FAM168A: variants seen among roughly 807,000 people sequenced by gnomAD.
FAM168A encodes family with sequence similarity 168 member A.
In FAM168A, 3 loss-of-function variants were observed where a neutral mutation model predicts 28.5. That is an observed-to-expected ratio of 0.11 (90% confidence interval 0.05 to 0.27). The LOEUF is 0.27. Ranked by LOEUF, FAM168A falls within the 10% of genes least tolerant of loss-of-function variation. The probability of loss-of-function intolerance (pLI) is 1.00; values close to 1 mark genes in which losing one functional copy is unlikely to be tolerated. For missense variants in FAM168A, 222 were observed against 311.5 expected (o/e 0.71, Z 2.16); for synonymous variants, 122 against 124.2 (o/e 0.98, Z 0.12).
chr11:73,442,689 T>C (rs76409784), intron 2 of FAM168A, among the ~76,000 whole-genome samples: 2,729 of 151,996 alleles, frequency 0.018, 66 homozygotes, highest in African/African-American at 0.055. Context: ...TGAGAGTTGT[T>C]TTATGGCCTA....
At chr11:73,561,907 A>G (rs1161207337) in intron 1 of FAM168A, among the ~76,000 whole-genome samples, 3 of 152,096 alleles carry the variant, frequency 2.0e-5, no homozygotes, top group African/African-American at 7.2e-5. Context: ...CAATTCTGCA[A>G]TCTTAGGACT....
rs1272918903 is a variant in FAM168A, at chr11:73,512,195, A to G, written c.-18-43703T>C. Among the ~76,000 whole-genome samples the G allele has an allele frequency of 4.6e-5, 7 of 152,136 alleles. No homozygotes were observed. The East Asian group carries it at 1.3e-3, about 29-fold the overall frequency. ...ATAATAAATGCATAACAACAAACACATATAATTTACTTTGTGCTAGGCACT... is the reference window on the plus strand; with the variant it reads ...ATAATAAATGCATAACAACAAACACGTATAATTTACTTTGTGCTAGGCACT... On this transcript the variant is annotated intron_variant, in intron 1 of 7. Transcript: ENST00000356467.
At chr11:73,480,729 CA>C (rs1229405741) in intron 1 of FAM168A, among the ~76,000 whole-genome samples, 3 of 152,060 alleles carry the variant, frequency 2.0e-5, no homozygotes, top group Non-Finnish European at 2.9e-5. Flanking sequence ...CAAACAACAA[CA>C]ACAACAAAAA....
At chr11:73,576,060 T>C (rs975065621) in intron 1 of FAM168A, among the ~76,000 whole-genome samples, 2 of 152,202 alleles carry the variant, frequency 1.3e-5, no homozygotes, top group African/African-American at 4.8e-5. Flanking sequence ...TTCAGATGAA[T>C]TAAATTTCAA....
chr11:73,546,246 T>C lies in FAM168A; in HGVS notation c.-19+51677A>G, dbSNP rs1277747770. Among the ~76,000 whole-genome samples, 4 of 152,290 alleles carry C rather than the reference T, an allele frequency of 2.6e-5. No homozygotes were observed. In the East Asian group the frequency reaches 7.7e-4, roughly 29 times the overall value. On this transcript the variant is annotated intron_variant, in intron 1 of 7. Coordinates refer to ENST00000356467, the MANE Select transcript of FAM168A (RefSeq NM_015159.3). Reference sequence around the variant, plus strand: ...TGGTCAGCAGTAATACTCTGCTACATGAAAAGAAGGGGCTAAGTCTGATTC... The same window carrying C: ...TGGTCAGCAGTAATACTCTGCTACACGAAAAGAAGGGGCTAAGTCTGATTC...
chr11:73,431,753 G>GA (rs1308242100), intron 2 of FAM168A, among the ~76,000 whole-genome samples: 2 of 151,418 alleles, frequency 1.3e-5, no homozygotes, highest in African/African-American at 4.9e-5. Context: ...GGGATTTTTT[G>GA]AAATTTTTTT....
chr11:73,578,216 C>T (rs1372185131), intron 1 of FAM168A, among the ~76,000 whole-genome samples: 1 of 152,086 alleles, frequency 6.6e-6, no homozygotes, highest in Non-Finnish European at 1.5e-5. Flanking sequence ...TGACTGAATC[C>T]TGATTGATCT....
intron 2 of FAM168A, among the ~76,000 whole-genome samples, chr11:73,450,075 A>G (rs948819384): frequency 6.6e-6 from 1 of 152,240 alleles, no homozygotes; most frequent in East Asian, 1.9e-4. Context: ...AAAATGTGCA[A>G]GGGAAAAGAA....
chr11:73,479,342 AC>A (rs746626459), intron 1 of FAM168A, among the ~76,000 whole-genome samples: 24 of 152,174 alleles, frequency 1.6e-4, no homozygotes, highest in Non-Finnish European at 3.4e-4. Context: ...ATGTAGCTGA[AC>A]CTAATCCTAT....
In FAM168A at chr11:73,580,104, A is replaced by T. The variant is rs150897384; in HGVS notation, c.-19+17819T>A. The T allele has an allele frequency of 8.8e-3, 2,974 of 338,608 alleles. 43 individuals carry two copies. Among genetic ancestry groups the T allele is most frequent in the Middle Eastern group, 0.038 (36 of 952 alleles). The allele number at this position is 338,608 out of a possible 1,614,324, so 21.0% of individuals were successfully genotyped here. Reference sequence around the variant, plus strand: ...GTTTGGGTAAGAAAACTGATGCTACAATCTGTCAAAATATAATTGTCAATG... The same window carrying T: ...GTTTGGGTAAGAAAACTGATGCTACTATCTGTCAAAATATAATTGTCAATG... On this transcript the variant is annotated intron_variant, in intron 1 of 7. Transcript: ENST00000356467.
At chr11:73,556,207 A>AGT (rs1346141040) in intron 1 of FAM168A, among the ~76,000 whole-genome samples, 2 of 152,024 alleles carry the variant, frequency 1.3e-5, no homozygotes, top group East Asian at 3.9e-4. Flanking sequence ...TAATTAGCCA[A>AGT]GTGTGGTGAT....
chr11:73,434,616 A>AAGTCT (rs1383747665), intron 2 of FAM168A, among the ~76,000 whole-genome samples: 34 of 152,328 alleles, frequency 2.2e-4, no homozygotes, highest in African/African-American at 8.2e-4. Flanking sequence ...CAGTAGTAGT[A>AAGTCT]GAGTAAGTCA....
chr11:73,571,778 G>A lies in FAM168A; in HGVS notation c.-19+26145C>T, dbSNP rs561091173. 7.6e-4 allele frequency among the ~76,000 whole-genome samples: 115 copies of A among 151,306 alleles called. 1 individual carries two copies. Among genetic ancestry groups the A allele is most frequent in the Admixed American group, 3.5e-3 (54 of 15,218 alleles). On this transcript the variant is annotated intron_variant, in intron 1 of 7. Coordinates refer to ENST00000356467, the MANE Select transcript of FAM168A (RefSeq NM_015159.3). ...AAGTGAGGAGCATCTCTGCCCGGCCGCCATCCACCTAGGAAGTGAGGAGTG... is the reference window on the plus strand; with the variant it reads ...AAGTGAGGAGCATCTCTGCCCGGCCACCATCCACCTAGGAAGTGAGGAGTG...
intron 1 of FAM168A, among the ~76,000 whole-genome samples, chr11:73,505,435 T>TA (rs1855098032): frequency 6.6e-6 from 1 of 152,172 alleles, no homozygotes. Context: ...CTAACATATG[T>TA]AAAGTGTTTA....
chr11:73,557,992 C>T (rs1272909289), intron 1 of FAM168A, among the ~76,000 whole-genome samples: 1 of 152,108 alleles, frequency 6.6e-6, no homozygotes, highest in Non-Finnish European at 1.5e-5. Flanking sequence ...TGAAGCTGGA[C>T]CCCTACCTCA....
At chr11:73,493,572 T>C (rs947226984) in intron 1 of FAM168A, among the ~76,000 whole-genome samples, 1 of 152,108 alleles carries the variant, frequency 6.6e-6, no homozygotes, top group Non-Finnish European at 1.5e-5. Context: ...TGTGCCACCA[T>C]GCTAGGCTAA....
chr11:73,573,199 G>A (rs1171310802), intron 1 of FAM168A, among the ~76,000 whole-genome samples: 1 of 152,264 alleles, frequency 6.6e-6, no homozygotes, highest in East Asian at 1.9e-4. Flanking sequence ...TTAGAAGGTA[G>A]AAAGAGGAAT....
chr11:73,462,238 C>A (rs1867659321), intron 2 of FAM168A, among the ~76,000 whole-genome samples: 3 of 152,114 alleles, frequency 2.0e-5, no homozygotes, highest in Admixed American at 1.3e-4. Flanking sequence ...CCACTGCATG[C>A]GGCATATACA....
chr11:73,557,562 T>C (rs1443653310), intron 1 of FAM168A, among the ~76,000 whole-genome samples: 1 of 152,144 alleles, frequency 6.6e-6, no homozygotes, highest in African/African-American at 2.4e-5. Context: ...AATCCTGTAT[T>C]CATGAATTGG....
Sources: allele counts gnomAD v4.1 joint callset (sites outside exome capture counted in the v4.1 genomes callset), GRCh38; gene constraint gnomAD v4.1.1; transcripts MANE v1.5; gene names NCBI Gene and HGNC (gene_info 2026-07-23, HGNC 2026-07-21).